Variants in SEMA3A observed in about 807,000 individuals in gnomAD.
SEMA3A encodes the protein semaphorin 3A.
A neutral mutation model predicts 97.9 loss-of-function variants in SEMA3A; 29 were observed. That is an observed-to-expected ratio of 0.30 (90% CI 0.22 to 0.40). The LOEUF is 0.40. Ranked by LOEUF, SEMA3A falls within the 10% of genes least tolerant of loss-of-function variation. SEMA3A has a pLI of 1.00. For synonymous variants in SEMA3A, 321 were observed against 323.7 expected (o/e 0.99, Z 0.09); for missense variants, 763 against 951.3 (o/e 0.80, Z 2.60).
At chr7:84,082,944 T>G (rs1368903340) in intron 4 of SEMA3A, among the ~76,000 whole-genome samples, 1 of 151,906 alleles carries the variant, frequency 6.6e-6, no homozygotes, top group Admixed American at 6.6e-5. Context: ...ACCTGTATTA[T>G]AATAATTATA....
chr7:84,173,559 CAA>C (rs34919422), intron 1 of SEMA3A, among the ~76,000 whole-genome samples: 6,064 of 80,342 alleles, frequency 0.075, 142 homozygotes, highest in Middle Eastern at 0.12. Context: ...AACTCTGTCT[CAA>C]AAAAAAAAAA....
At chr7:84,274,130 T>C (rs921092609) in intron 3 of SEMA3A, among the ~76,000 whole-genome samples, 4 of 152,150 alleles carry the variant, frequency 2.6e-5, no homozygotes, top group African/African-American at 9.7e-5. Context: ...TTAAAATTTA[T>C]CTTTTGCTGT....
intron 1 of SEMA3A, among the ~76,000 whole-genome samples, chr7:84,161,822 G>A (rs911381422): frequency 6.6e-6 from 1 of 152,074 alleles, no homozygotes; most frequent in African/African-American, 2.4e-5. Context: ...GATGATATGA[G>A]TATATTCTAT....
At chr7:84,092,066 G>A (rs553576364) in intron 4 of SEMA3A, among the ~76,000 whole-genome samples, 14 of 152,204 alleles carry the variant, frequency 9.2e-5, no homozygotes, top group African/African-American at 3.1e-4. Context: ...ATGAATTAAT[G>A]TTATACATGT....
chr7:84,188,312 T>A (rs1373669408), intron 1 of SEMA3A, among the ~76,000 whole-genome samples: 1 of 152,084 alleles, frequency 6.6e-6, no homozygotes, highest in Non-Finnish European at 1.5e-5. Flanking sequence ...TTTGACAGAC[T>A]CCAGCTTTGT....
intron 2 of SEMA3A, among the ~76,000 whole-genome samples, chr7:84,363,613 G>T (rs62472624): frequency 6.6e-6 from 1 of 151,738 alleles, no homozygotes; most frequent in African/African-American, 2.4e-5. Flanking sequence ...TGTGGAATTG[G>T]CCTATTGTGA....
intron 3 of SEMA3A, among the ~76,000 whole-genome samples, chr7:84,206,703 C>T (rs924691198): frequency 2.0e-5 from 3 of 151,932 alleles, no homozygotes; most frequent in Non-Finnish European, 2.9e-5. Flanking sequence ...TAAATGGTCT[C>T]GAACTCCTGA....
At chr7:84,117,096 CT>C (rs1795454963) in intron 3 of SEMA3A, among the ~76,000 whole-genome samples, 1 of 152,024 alleles carries the variant, frequency 6.6e-6, no homozygotes, top group Admixed American at 6.6e-5. Context: ...TCATTTTTTT[CT>C]GGCACAATTT....
chr7:84,377,417 T>C (rs981782999), intron 1 of SEMA3A, among the ~76,000 whole-genome samples: 1 of 152,128 alleles, frequency 6.6e-6, no homozygotes, highest in Admixed American at 6.5e-5. Context: ...GCTGTAAATA[T>C]ATGGTTTTAT....
chr7:84,388,954 T>C (rs1803471811), intron 1 of SEMA3A, among the ~76,000 whole-genome samples: 1 of 152,044 alleles, frequency 6.6e-6, no homozygotes, highest in Non-Finnish European at 1.5e-5. Flanking sequence ...AATGATTATA[T>C]GTAGCAATCT....
At chr7:84,359,200 C>A (rs549933162) in intron 2 of SEMA3A, among the ~76,000 whole-genome samples, 55 of 152,276 alleles carry the variant, frequency 3.6e-4, no homozygotes, top group African/African-American at 1.3e-3. Context: ...TGAGAGAGGG[C>A]ATCCCTGTCT....
intron 2 of SEMA3A, among the ~76,000 whole-genome samples, chr7:84,336,208 AC>A (rs1802036072): frequency 6.6e-6 from 1 of 152,190 alleles, no homozygotes; most frequent in Admixed American, 6.6e-5. Context: ...TTAAGAGGAA[AC>A]TTTTCAAAAC....
intron 3 of SEMA3A, among the ~76,000 whole-genome samples, chr7:84,299,263 C>CAT (rs1168730869): frequency 4.4e-5 from 6 of 136,204 alleles, no homozygotes; most frequent in Non-Finnish European, 7.8e-5. Context: ...TATATATCTC[C>CAT]ATATATATAT....
intron 3 of SEMA3A, among the ~76,000 whole-genome samples, chr7:84,226,190 C>T (rs1487951294): frequency 6.6e-6 from 1 of 152,004 alleles, no homozygotes; most frequent in Non-Finnish European, 1.5e-5. Context: ...TTAAACAAGA[C>T]ATTCTGTCCC....
At chr7:84,064,830 A>C (rs1405748427) in intron 4 of SEMA3A, among the ~76,000 whole-genome samples, 15 of 151,644 alleles carry the variant, frequency 9.9e-5, no homozygotes. Context: ...GGGAGACTTC[A>C]ACACCCCACT....
chr7:84,404,006 C>T (rs1222303590), intron 1 of SEMA3A, among the ~76,000 whole-genome samples: 2 of 152,172 alleles, frequency 1.3e-5, no homozygotes, highest in Non-Finnish European at 2.9e-5. Context: ...TCCAACGGAA[C>T]ACAGCTCCTC....
chr7:84,262,098 CT>C (rs34361946), intron 3 of SEMA3A, among the ~76,000 whole-genome samples: 92,953 of 149,854 alleles, frequency 0.62, 28,752 homozygotes, highest in Non-Finnish European at 0.67. Flanking sequence ...TTTAATGACA[CT>C]TTTTTTTTTT....
rs778649936 is a variant in SEMA3A at position 84,194,587 on chromosome 7, G to T, written c.-1C>A. ...AGACAATCCTAGTTAACCAGCCCAT[G>T]CTGCAGACGCTGTAGGTCCCTTTGC... On this transcript the variant is annotated 5_prime_UTR_variant, in exon 1 of 17. Coordinates refer to ENST00000265362, the MANE Select transcript of SEMA3A (RefSeq NM_006080.3). 1.3e-6 allele frequency: 2 copies of T among 1,572,376 alleles called. No individual in the cohort carries two copies. The highest frequency in any genetic ancestry group is 2.7e-5 in the African/African-American group (2 of 74,076).
At chr7:84,332,803 A>G (rs1801939625) in intron 2 of SEMA3A, among the ~76,000 whole-genome samples, 1 of 152,100 alleles carries the variant, frequency 6.6e-6, no homozygotes. Flanking sequence ...CTATATTAAA[A>G]CATTGAGTAC....
Sources: allele counts gnomAD v4.1 joint callset (sites outside exome capture counted in the v4.1 genomes callset), GRCh38; gene constraint gnomAD v4.1.1; transcripts MANE v1.5; gene names NCBI Gene and HGNC (gene_info 2026-07-23, HGNC 2026-07-21).